The following RARB variants were observed in gnomAD, a reference collection of about 807,000 sequenced individuals.
The protein encoded by RARB is HBV-activated protein.
Under a neutral mutation model 51.9 loss-of-function variants are expected in RARB, and 17 were observed. That is an observed-to-expected ratio of 0.33 (90% confidence interval 0.22 to 0.49). RARB has a LOEUF of 0.49. Ranked by LOEUF, RARB falls within the 20% of genes least tolerant of loss-of-function variation. RARB has a pLI of 0.99. For missense variants in RARB, 369 were observed against 550.8 expected, an observed-to-expected ratio of 0.67 and a Z score of 3.30; for synonymous variants, 215 against 195.4, an observed-to-expected ratio of 1.10 and a Z score of -0.84.
At chr3:25,108,254 T>TG (rs1699542755) in intron 3 of RARB, among the ~76,000 whole-genome samples, 1 of 152,202 alleles carries the variant, frequency 6.6e-6, no homozygotes, top group East Asian at 1.9e-4. Context: ...ACTGAAACCA[T>TG]GGGAAAAAAA....
intron 2 of RARB, among the ~76,000 whole-genome samples, chr3:25,017,750 A>G (rs187033037): frequency 7.0e-4 from 107 of 152,332 alleles, no homozygotes; most frequent in Non-Finnish European, 8.5e-4. Context: ...CTTAGTTTTT[A>G]AATGGAAGAT....
intron 5 of RARB, among the ~76,000 whole-genome samples, chr3:25,377,105 G>A (rs774942409): frequency 5.3e-5 from 8 of 152,110 alleles, no homozygotes; most frequent in Non-Finnish European, 1.0e-4. Context: ...TTCTATCACT[G>A]GCTTGTAGAG....
At chr3:25,389,240 T>TA (rs909794707) in intron 5 of RARB, among the ~76,000 whole-genome samples, 1 of 152,136 alleles carries the variant, frequency 6.6e-6, no homozygotes, top group African/African-American at 2.4e-5. Context: ...AACCTTACCT[T>TA]CCTTTTTTTA....
chr3:25,314,682 A>G (rs186665330), intron 5 of RARB, among the ~76,000 whole-genome samples: 359 of 152,098 alleles, frequency 2.4e-3, no homozygotes, highest in Admixed American at 5.3e-3. Flanking sequence ...TTCATTTTTT[A>G]ATTTTTTAAA....
chr3:25,352,277 T>G (rs1575334250), intron 5 of RARB: 1 of 152,252 alleles, frequency 6.6e-6, no homozygotes, highest in East Asian at 1.9e-4. Context: ...TCTCCAAAAC[T>G]AGGAGAGGAA....
intron 2 of RARB, among the ~76,000 whole-genome samples, chr3:25,055,843 G>A (rs1173840438): frequency 6.6e-6 from 1 of 152,074 alleles, no homozygotes; most frequent in Non-Finnish European, 1.5e-5. Flanking sequence ...TCCAAAAAGA[G>A]TCACAGGTGC....
chr3:24,830,094 G>A (rs1702259780), intron 1 of RARB, among the ~76,000 whole-genome samples: 1 of 152,160 alleles, frequency 6.6e-6, no homozygotes, highest in South Asian at 2.1e-4. Context: ...CAGGGACGCG[G>A]CCAGGGACCG....
At chr3:25,361,313 T>G (rs777720771) in intron 5 of RARB, among the ~76,000 whole-genome samples, 1 of 151,084 alleles carries the variant, frequency 6.6e-6, no homozygotes, top group Admixed American at 6.6e-5. Context: ...TCTTGTGCTA[T>G]GTTTTTCAGC....
rs1015237085 is a variant in RARB at position 25,482,601 on chromosome 3, G to A, written c.307-18581G>A. 1.9e-4 allele frequency among the ~76,000 whole-genome samples: 24 copies of A among 128,558 alleles called. No individual in the cohort carries two copies. The East Asian group carries it at 2.0e-3, about 10-fold the overall frequency. 84.3% of individuals were successfully genotyped at this position (128,558 alleles called of 152,430 possible). On this transcript the variant is annotated intron_variant, in intron 2 of 7. Coordinates refer to ENST00000330688, the MANE Select transcript of RARB (RefSeq NM_000965.5). ...GTCTCCCAGGCCGGAGTGCAGTGGC[G>A]TGATCTCGGCTCACTGCAACCTCTG...
intron 2 of RARB, among the ~76,000 whole-genome samples, chr3:24,918,082 A>C (rs1695142913): frequency 1.3e-5 from 2 of 152,246 alleles, no homozygotes; most frequent in East Asian, 3.8e-4. Flanking sequence ...ATACATCCAC[A>C]CAAAGGCCTC....
At chr3:25,249,924 C>CAGGCTGTGTGTT (rs148300918) in intron 5 of RARB, among the ~76,000 whole-genome samples, 2 of 152,012 alleles carry the variant, frequency 1.3e-5, no homozygotes, top group Admixed American at 6.6e-5. Flanking sequence ...TCCTGTTGGG[C>CAGGCTGTGTGTT]CAATTATTGG....
intron 2 of RARB, among the ~76,000 whole-genome samples, chr3:24,861,895 T>C (rs369746241): frequency 6.6e-6 from 1 of 152,162 alleles, no homozygotes; most frequent in African/African-American, 2.4e-5. Context: ...TGGATCACAG[T>C]TTAAGAACCA....
chr3:25,407,418 G>A (rs887789602), intron 5 of RARB, among the ~76,000 whole-genome samples: 1 of 152,134 alleles, frequency 6.6e-6, no homozygotes, highest in Non-Finnish European at 1.5e-5. Flanking sequence ...TGCTAGGGAG[G>A]ACACTTCACA....
intron 2 of RARB, among the ~76,000 whole-genome samples, chr3:24,986,845 C>G (rs997608774): frequency 7.2e-5 from 11 of 151,972 alleles, no homozygotes; most frequent in African/African-American, 2.7e-4. Flanking sequence ...ACCCCTTTGC[C>G]GAAACAGCAG....
intron 5 of RARB, among the ~76,000 whole-genome samples, chr3:25,285,423 G>C (rs770502943): frequency 6.6e-6 from 1 of 152,168 alleles, no homozygotes; most frequent in Non-Finnish European, 1.5e-5. Context: ...CTGTGCAGGG[G>C]TTTGTAGGGC....
intron 5 of RARB, among the ~76,000 whole-genome samples, chr3:25,337,442 G>C (rs1705096346): frequency 6.6e-6 from 1 of 151,986 alleles, no homozygotes; most frequent in Non-Finnish European, 1.5e-5. Flanking sequence ...CATCTTACAG[G>C]GCTTTACCAA....
At position 25,049,320 on chromosome 3, in the gene RARB, ACT is replaced by A. The variant is rs562554986; in HGVS notation, c.-379-10802_-379-10801del. Among the ~76,000 whole-genome samples, 98 of 152,150 alleles carry A rather than the reference ACT, an allele frequency of 6.4e-4. 1 individual carries two copies. Among genetic ancestry groups the A allele is most frequent in the Admixed American group, 1.4e-3 (22 of 15,288 alleles). On this transcript the variant is annotated intron_variant, in intron 2 of 11. Transcript: ENST00000383772. ...AGAAATTTGTCTTCTGCTCCTACAG[ACT>A]CTAGCATTCACGTGACTTGACTCAG...
chr3:25,319,556 G>A (rs927617368), intron 5 of RARB, among the ~76,000 whole-genome samples: 2 of 152,164 alleles, frequency 1.3e-5, no homozygotes, highest in Non-Finnish European at 2.9e-5. Context: ...TTAAAGAGCT[G>A]TCAGGTACCA....
intron 5 of RARB, among the ~76,000 whole-genome samples, chr3:25,314,877 G>A (rs963235016): frequency 1.3e-5 from 2 of 152,050 alleles, no homozygotes; most frequent in African/African-American, 2.4e-5. Flanking sequence ...CACAGTGTCT[G>A]TTGCTTCCAT....
Sources: gnomAD v4.1 joint callset for allele counts (sites outside exome capture counted in the v4.1 genomes callset) on GRCh38, gnomAD v4.1.1 for gene constraint, MANE v1.5 for transcripts, NCBI Gene and HGNC (gene_info 2026-07-23, HGNC 2026-07-21) for gene names.